The following TSEN2 variants were observed in gnomAD, a reference collection of about 807,000 sequenced individuals.
TSEN2 encodes tRNA-splicing endonuclease subunit Sen2.
In TSEN2, 54 loss-of-function variants were observed where a neutral mutation model predicts 59.2. That is an observed-to-expected ratio of 0.91 (90% CI 0.73 to 1.14). The LOEUF (loss-of-function observed/expected upper bound fraction) is 1.14. TSEN2 is among the 50% of genes most tolerant of loss of function. The pLI is 0.00. For synonymous variants in TSEN2, 195 were observed against 198.2 expected (o/e 0.98, Z 0.14); for missense variants, 636 against 576.2 (o/e 1.10, Z -1.06).
intron 7 of TSEN2, among the ~76,000 whole-genome samples, chr3:12,518,503 T>C (rs1007969098): frequency 6.6e-6 from 1 of 152,172 alleles, no homozygotes; most frequent in African/African-American, 2.4e-5. Context: ...GCTCAAATGC[T>C]GCCTTTTCTA....
At chr3:12,512,403 C>T (rs1423455228) in intron 6 of TSEN2, among the ~76,000 whole-genome samples, 1 of 152,192 alleles carries the variant, frequency 6.6e-6, no homozygotes, top group Non-Finnish European at 1.5e-5. Context: ...ATTGATATAA[C>T]AGCTAATGAC....
intron 8 of TSEN2, among the ~76,000 whole-genome samples, chr3:12,523,010 C>T (rs926585462): frequency 6.6e-6 from 1 of 152,110 alleles, no homozygotes; most frequent in Non-Finnish European, 1.5e-5. Context: ...GTAGTAGCTT[C>T]CTTTTGTAGC....
At chr3:12,512,463 A>G (rs1211569109) in intron 6 of TSEN2, among the ~76,000 whole-genome samples, 1 of 152,242 alleles carries the variant, frequency 6.6e-6, no homozygotes, top group Non-Finnish European at 1.5e-5. Flanking sequence ...CACATGTAAT[A>G]GGTGCTCGTT....
intron 10 of TSEN2, 147 bp from the exon 11 acceptor site, chr3:12,531,423 C>CGAAA: frequency 1.6e-6 from 1 of 628,118 alleles, no homozygotes; most frequent in Non-Finnish European, 2.9e-6. Flanking sequence ...GTTATGGTTT[C>CGAAA]CCCAGGAGGA....
chr3:12,538,962 T>C, intron 10 of TSEN2: 1 of 316,236 alleles, frequency 3.2e-6, no homozygotes. Flanking sequence ...TCAGGCAAAA[T>C]GAAATTGACA....
chr3:12,488,464 T>C (rs997009705), intron 1 of TSEN2, among the ~76,000 whole-genome samples: 2 of 152,244 alleles, frequency 1.3e-5, no homozygotes, highest in African/African-American at 4.8e-5. Flanking sequence ...CCATTTACAT[T>C]GTTTTCCCAT....
Position 12,491,488 on chromosome 3 carries a change from G to A in TSEN2, c.190-648G>A, listed in dbSNP as rs2053205346. Reference sequence around the variant, plus strand: ...TTTTTTTGGACCTAGTGGGCAGCATGGCTCCTGCCTTCAGGCACACTGTGT... The same window carrying A: ...TTTTTTTGGACCTAGTGGGCAGCATAGCTCCTGCCTTCAGGCACACTGTGT... On this transcript the variant is annotated intron_variant, in intron 2 of 11. Coordinates refer to ENST00000284995, the MANE Select transcript of TSEN2 (RefSeq NM_025265.4). Among the ~76,000 whole-genome samples the A allele has an allele frequency of 2.0e-5, 3 of 152,206 alleles. No individual in the cohort carries two copies. The South Asian group carries it at 6.2e-4, about 32-fold the overall frequency.
In TSEN2 at chr3:12,492,184, A is replaced by G; in HGVS notation, c.238A>G (p.Ile80Val). 3 of 1,614,152 alleles carry G rather than the reference A, an allele frequency of 1.9e-6. No homozygotes were observed. Among genetic ancestry groups the G allele is most frequent in the South Asian group, 2.2e-5 (2 of 91,082 alleles). The change falls in exon 3 of 12, where the codon ATT (isoleucine) becomes GTT (valine). Residue 80 changes from isoleucine (I) to valine (V), a missense_variant. By Grantham distance (29) the Ile-to-Val change is conservative (BLOSUM62 3). Transcript: ENST00000284995. ...TTCAAGAAGCCGTCCAAGCTTCACAATTTCAGATCCTAAACTGGTTGCTAA... is the reference window on the plus strand; with the variant it reads ...TTCAAGAAGCCGTCCAAGCTTCACAGTTTCAGATCCTAAACTGGTTGCTAA... ...ILSRSRPSFT[I>V]SDPKLVAKWK...
chr3:12,489,411 A>G (rs1467424021), intron 1 of TSEN2, among the ~76,000 whole-genome samples: 2 of 152,180 alleles, frequency 1.3e-5, no homozygotes, highest in Admixed American at 1.3e-4. Flanking sequence ...AATTCCTGGT[A>G]GTAAATGTCT....
chr3:12,523,423 C>T (rs369918830), intron 8 of TSEN2, among the ~76,000 whole-genome samples: 9 of 152,034 alleles, frequency 5.9e-5, no homozygotes, highest in African/African-American at 2.2e-4. Context: ...TGACGTCCAG[C>T]CCAGAGACTA....
intron 8 of TSEN2, among the ~76,000 whole-genome samples, chr3:12,523,526 C>CTTTTTTTTT (rs546904336): frequency 3.2e-4 from 15 of 46,480 alleles, no homozygotes; most frequent in East Asian, 1.4e-3. Flanking sequence ...CTCTTTGATT[C>CTTTTTTTTT]TTTTTTTTTT....
chr3:12,522,823 C>T (rs1201932095), intron 8 of TSEN2, among the ~76,000 whole-genome samples: 1 of 152,164 alleles, frequency 6.6e-6, no homozygotes, highest in Non-Finnish European at 1.5e-5. Flanking sequence ...AGCTGCCAAC[C>T]TAGTTGACCT....
At chr3:12,496,700 A>T in intron 4 of TSEN2, 146 bp downstream of exon 4, 1 of 793,408 alleles carries the variant, frequency 1.3e-6, no homozygotes, top group Non-Finnish European at 2.1e-6. Flanking sequence ...ATTATGTTGG[A>T]ATTTAATGTG....
chr3:12,514,312 T>C (rs1269074846), intron 6 of TSEN2, among the ~76,000 whole-genome samples: 1 of 152,124 alleles, frequency 6.6e-6, no homozygotes, highest in Non-Finnish European at 1.5e-5. Flanking sequence ...GAAAGAGCAG[T>C]GGTAAGATCA....
Position 12,499,893 on chromosome 3 carries a change from T to TGCGCTAACC in TSEN2, c.308+3340_308+3348dup, listed in dbSNP as rs577029173. On this transcript the variant is annotated intron_variant, in intron 4 of 11. Transcript: ENST00000284995. ...AGGCACTGTGGCCCCAGAACCTATG[T>TGCGCTAACC]GCGCTAACCACTCTAAACCACTCTG... 1.4e-4 allele frequency among the ~76,000 whole-genome samples: 22 copies of TGCGCTAACC among 152,278 alleles called. No homozygotes were observed. In the South Asian group the frequency reaches 4.6e-3, roughly 32 times the overall value.
chr3:12,492,757 C>T (rs575829527), intron 3 of TSEN2, among the ~76,000 whole-genome samples: 13 of 152,252 alleles, frequency 8.5e-5, no homozygotes, highest in Non-Finnish European at 1.5e-4. Context: ...ACTGAGATAA[C>T]ATGTCAACAA....
At chr3:12,538,154 A>G (rs974784168), downstream of TSEN2, among the ~76,000 whole-genome samples, 1 of 152,234 alleles carries the variant, frequency 6.6e-6, no homozygotes, top group African/African-American at 2.4e-5. Context: ...GTGCTGAAAC[A>G]TGGACTAAAT....
At chr3:12,521,444 G>A (rs557772516) in intron 8 of TSEN2, among the ~76,000 whole-genome samples, 42 of 152,346 alleles carry the variant, frequency 2.8e-4, no homozygotes, top group Middle Eastern at 3.4e-3. Context: ...GCTGGGCACA[G>A]TGGCTCACGC....
chr3:12,538,449 A>G (rs949888120), downstream of TSEN2, among the ~76,000 whole-genome samples: 5 of 151,816 alleles, frequency 3.3e-5, no homozygotes, highest in Admixed American at 2.0e-4. Flanking sequence ...ACTAACGCTC[A>G]GTTGGCCATT....
Sources: allele counts gnomAD v4.1 joint callset (sites outside exome capture counted in the v4.1 genomes callset), GRCh38; gene constraint gnomAD v4.1.1; transcripts MANE v1.5; gene names NCBI Gene and HGNC (gene_info 2026-07-23, HGNC 2026-07-21).